The following CEP89 variants were observed in gnomAD, a reference collection of about 807,000 sequenced individuals.
CEP89 encodes centrosomal protein of 89 kDa.
A neutral mutation model predicts 97.6 loss-of-function variants in CEP89; 95 were observed. The ratio of observed to expected loss-of-function variants is 0.97; its 90% CI spans 0.82 to 1.15. CEP89 has a LOEUF of 1.15. Ranked by LOEUF, CEP89 falls within the 50% of genes most tolerant of loss-of-function variation. The pLI is 0.00. For missense variants in CEP89, 869 were observed against 947.7 expected, an observed-to-expected ratio of 0.92 and a Z score of 1.09; for synonymous variants, 354 against 349.1, an observed-to-expected ratio of 1.01 and a Z score of -0.16.
intron 4 of CEP89, among the ~76,000 whole-genome samples, 187 bp from the exon 5 acceptor site, chr19:32,948,555 C>T (rs750007465): frequency 2.2e-4 from 34 of 152,146 alleles, no homozygotes; most frequent in Non-Finnish European, 4.4e-4. Context: ...ATGACACTTC[C>T]AGGCCCTCAG....
At chr19:32,895,519 T>G (rs898682330) in intron 16 of CEP89, among the ~76,000 whole-genome samples, 1 of 152,052 alleles carries the variant, frequency 6.6e-6, no homozygotes, top group African/African-American at 2.4e-5. Context: ...TCATACCGAG[T>G]AGGGGAAAGC....
chr19:32,928,072 C>T (rs1970399910), intron 9 of CEP89, among the ~76,000 whole-genome samples: 1 of 151,742 alleles, frequency 6.6e-6, no homozygotes, highest in East Asian at 1.9e-4. Flanking sequence ...TGTGCCACCA[C>T]ACCTGGTTAA....
In CEP89 at chr19:32,971,907, G is replaced by T. The variant is rs766244413; in HGVS notation, c.-33C>A. On this transcript the variant is annotated 5_prime_UTR_variant, in exon 1 of 19. Coordinates refer to ENST00000305768, the MANE Select transcript of CEP89 (RefSeq NM_032816.5). ...GCGCGAGGAGAATGGACCGGGGCCT[G>T]GACTCATCAGCAGATCTATCCACAG... 6.4e-7 allele frequency: 1 copy of T among 1,573,104 alleles called. No individual in the cohort carries two copies. The highest frequency in any genetic ancestry group is 8.6e-7 in the Non-Finnish European group (1 of 1,157,898).
intron 13 of CEP89, among the ~76,000 whole-genome samples, chr19:32,916,171 G>A (rs1288988716): frequency 6.6e-5 from 10 of 151,744 alleles, no homozygotes; most frequent in Non-Finnish European, 4.4e-5. Flanking sequence ...CCAGATATCC[G>A]GGAGGCTGAG....
rs1262507680 is a variant in CEP89, at chr19:32,953,724, T to C, written c.383A>G (p.Asp128Gly). The change falls in exon 4 of 19, where the codon GAC (aspartate) becomes GGC (glycine). Residue 128 changes from aspartate (D) to glycine (G), a missense_variant. Transcript: ENST00000305768. ...FETLDYGDEE[D>G]IETQLSSSGK... The stretch of plus-strand genomic sequence containing the variant: ...GCTGGATGACAGCTGAGTTTCAATG[T>C]CCTCTTCGTCCCCATAGTCCAGTGT... 6 of 1,613,976 alleles carry C rather than the reference T, an allele frequency of 3.7e-6. No individual in the cohort carries two copies. In the East Asian group the frequency reaches 1.3e-4, roughly 36 times the overall value.
At chr19:32,933,309 A>G (rs2145930635) in intron 8 of CEP89, 142 bp downstream of exon 8, 1 of 671,412 alleles carries the variant, frequency 1.5e-6, no homozygotes, top group African/African-American at 1.8e-5. Context: ...ATCTCAACAA[A>G]CATAAGGATA....
chr19:32,947,546 A>G (rs1165272734), intron 5 of CEP89, among the ~76,000 whole-genome samples: 1 of 152,106 alleles, frequency 6.6e-6, no homozygotes, highest in South Asian at 2.1e-4. Flanking sequence ...GCTGGGGTAC[A>G]ATGGTGCGAT....
chr19:32,881,972 A>G lies in CEP89; in HGVS notation c.2007T>C (p.Ser669=). ...CCTCCTGCTGCTCCAGCAGACGGTGACTGATGTCCCCCAGCTTCAGTGCTG... is the reference window on the plus strand; with the variant it reads ...CCTCCTGCTGCTCCAGCAGACGGTGGCTGATGTCCCCCAGCTTCAGTGCTG... The part of the protein sequence containing the change: ...KQAALKLGDI[S]HRLLEQQEDF... The change falls in exon 18 of 19, where the codon AGT becomes AGC. Residue 669 remains serine, a synonymous_variant. Coordinates refer to ENST00000305768, the MANE Select transcript of CEP89 (RefSeq NM_032816.5). The G allele has an allele frequency of 1.9e-6, 3 of 1,588,192 alleles. No individual in the cohort carries two copies. The highest frequency in any genetic ancestry group is 2.6e-6 in the Non-Finnish European group (3 of 1,167,498).
chr19:32,948,853 T>TGAACCAC (rs1211764754), intron 4 of CEP89, among the ~76,000 whole-genome samples: 2 of 151,912 alleles, frequency 1.3e-5, no homozygotes, highest in African/African-American at 2.4e-5. Flanking sequence ...GCCTCTGGAG[T>TGAACCAC]AGCTGGGACC....
chr19:32,908,528 G>A (rs1159689561), intron 14 of CEP89, among the ~76,000 whole-genome samples: 1 of 152,216 alleles, frequency 6.6e-6, no homozygotes, highest in African/African-American at 2.4e-5. Context: ...ATTCATCAGA[G>A]CTCGAATATG....
At chr19:32,880,045 C>T (rs1568540800) in intron 18 of CEP89, among the ~76,000 whole-genome samples, 1 of 152,234 alleles carries the variant, frequency 6.6e-6, no homozygotes, top group Non-Finnish European at 1.5e-5. Flanking sequence ...CACAGGGCAG[C>T]GTTTCCAGAA....
At chr19:32,930,209 G>A (rs1006809447) in intron 9 of CEP89, among the ~76,000 whole-genome samples, 1 of 151,712 alleles carries the variant, frequency 6.6e-6, no homozygotes, top group African/African-American at 2.4e-5. Context: ...TGTATTTTTA[G>A]CATAGATGGG....
At chr19:32,969,569 A>C (rs1382613665) in intron 1 of CEP89, 1 of 152,460 alleles carries the variant, frequency 6.6e-6, no homozygotes, top group Non-Finnish European at 1.5e-5. Context: ...GACACCCCTG[A>C]GCCTGCAGGG....
Position 32,938,596 on chromosome 19 carries a change from A to G in CEP89, c.625-923T>C, listed in dbSNP as rs1425690989. Among the ~76,000 whole-genome samples the G allele has an allele frequency of 2.6e-5, 4 of 152,324 alleles. No individual in the cohort carries two copies. In the East Asian group the frequency reaches 5.8e-4, roughly 22 times the overall value. On this transcript the variant is annotated intron_variant, in intron 6 of 18. Transcript: ENST00000305768. Reference sequence around the variant, plus strand: ...TGTTTAATTTTTAAGTTCCTATGACATCGCACAATGAAAAACTTAAGTTAG... The same window carrying G: ...TGTTTAATTTTTAAGTTCCTATGACGTCGCACAATGAAAAACTTAAGTTAG...
In CEP89 at chr19:32,960,126, C is replaced by T. The variant is rs149479049; in HGVS notation, c.147-68G>A. On this transcript the variant is annotated intron_variant, in intron 2 of 18. Coordinates refer to ENST00000305768, the MANE Select transcript of CEP89 (RefSeq NM_032816.5). ...TTCCAGGTGAATGCTGAACAAGGTACATAAACTCATCAAGGCTTACCTTCT... is the reference window on the plus strand; with the variant it reads ...TTCCAGGTGAATGCTGAACAAGGTATATAAACTCATCAAGGCTTACCTTCT... 91 of 1,543,636 alleles carry T rather than the reference C, an allele frequency of 5.9e-5. 2 individuals carry two copies. The South Asian group carries it at 9.3e-4, about 16-fold the overall frequency.
chr19:32,952,918 A>AAAAAAAG lies in CEP89; in HGVS notation c.492+690_492+696dup, dbSNP rs1568577630. 9.0e-4 allele frequency among the ~76,000 whole-genome samples: 125 copies of AAAAAAAG among 138,124 alleles called. 1 individual carries two copies. Among genetic ancestry groups the AAAAAAAG allele is most frequent in the Non-Finnish European group, 9.9e-4 (65 of 65,600 alleles). 90.6% of individuals were successfully genotyped at this position (138,124 alleles called of 152,430 possible). A position where few individuals can be genotyped will look rare whatever the true frequency, so the allele number is the denominator to read the frequency against. The stretch of plus-strand genomic sequence containing the variant: ...GACTCTGTCTCAAAAAAAAAAAAAA[A>AAAAAAAG]AAAAAAGAAAAGAAAAAGAAAAGAA... On this transcript the variant is annotated intron_variant, in intron 4 of 18. Coordinates refer to ENST00000305768, the MANE Select transcript of CEP89 (RefSeq NM_032816.5).
chr19:32,941,761 A>G (rs1248969637), intron 5 of CEP89, among the ~76,000 whole-genome samples: 2 of 152,058 alleles, frequency 1.3e-5, no homozygotes, highest in Non-Finnish European at 2.9e-5. Flanking sequence ...AACCACCTCT[A>G]CTGCCCACCT....
intron 10 of CEP89, 99 bp downstream of exon 10, chr19:32,926,835 T>C (rs1027524726): frequency 5.9e-6 from 6 of 1,014,432 alleles, no homozygotes; most frequent in Non-Finnish European, 7.6e-6. Flanking sequence ...GTGCTGGGAT[T>C]ACAGACATGA....
At chr19:32,887,446 C>G (rs747804120) in intron 17 of CEP89, among the ~76,000 whole-genome samples, 1 of 151,962 alleles carries the variant, frequency 6.6e-6, no homozygotes, top group African/African-American at 2.4e-5. Context: ...CTCAAACTCT[C>G]GACCTCAAGC....
Sources: allele counts gnomAD v4.1 joint callset (sites outside exome capture counted in the v4.1 genomes callset), GRCh38; gene constraint gnomAD v4.1.1; transcripts MANE v1.5; gene names NCBI Gene and HGNC (gene_info 2026-07-23, HGNC 2026-07-21).